Variants in PHLPP1 observed in about 807,000 individuals in gnomAD.
PHLPP1 encodes PH domain and leucine rich repeat protein phosphatase 1.
In PHLPP1, 42 loss-of-function variants were observed where a neutral mutation model predicts 117.2. The observed-to-expected ratio is 0.36, with a 90% CI of 0.28 to 0.46. The LOEUF (loss-of-function observed/expected upper bound fraction) is 0.46. Among genes scored for constraint, PHLPP1 ranks in the 20% least tolerant of loss-of-function variants. The probability of loss-of-function intolerance (pLI) is 1.00; values close to 1 mark genes in which losing one functional copy is unlikely to be tolerated. For missense variants in PHLPP1, 2,084 were observed against 2,241.9 expected (o/e 0.93, Z 1.42); for synonymous variants, 1,042 against 970.7 (o/e 1.07, Z -1.37).
At chr18:62,742,749 C>T (rs752837028) in intron 1 of PHLPP1, among the ~76,000 whole-genome samples, 7 of 152,032 alleles carry the variant, frequency 4.6e-5, no homozygotes, top group South Asian at 2.1e-4. Context: ...AAATTTTTAT[C>T]GGAAGCTCTA....
intron 12 of PHLPP1, among the ~76,000 whole-genome samples, chr18:62,958,264 C>A (rs1049059076): frequency 6.6e-6 from 1 of 152,098 alleles, no homozygotes; most frequent in Non-Finnish European, 1.5e-5. Context: ...CTTTAAAGTT[C>A]ATTTTAATGT....
chr18:62,973,502 G>C (rs767609535), intron 15 of PHLPP1, among the ~76,000 whole-genome samples: 77 of 152,338 alleles, frequency 5.1e-4, no homozygotes, highest in Non-Finnish European at 8.5e-4. Flanking sequence ...GAGCAGTCAT[G>C]GTGTTTTATC....
At chr18:62,975,253 T>C in intron 15 of PHLPP1, 144 bp from the exon 16 acceptor site, 1 of 631,788 alleles carries the variant, frequency 1.6e-6, no homozygotes, top group Non-Finnish European at 2.8e-6. Context: ...GGCAGAGCAG[T>C]GTGTGCTTTG....
chr18:62,751,567 C>T (rs1407425306), intron 1 of PHLPP1, among the ~76,000 whole-genome samples: 1 of 152,152 alleles, frequency 6.6e-6, no homozygotes, highest in East Asian at 1.9e-4. Context: ...AGACTGAATC[C>T]ATTAACTAGC....
chr18:62,919,809 T>C, intron 9 of PHLPP1, 150 bp from the exon 10 acceptor site: 1 of 640,104 alleles, frequency 1.6e-6, no homozygotes. Flanking sequence ...TTTGAGTATA[T>C]AGAAAGTATT....
intron 1 of PHLPP1, among the ~76,000 whole-genome samples, chr18:62,821,169 C>T (rs551142556): frequency 3.9e-4 from 60 of 152,284 alleles, no homozygotes; most frequent in Non-Finnish European, 7.6e-4. Context: ...CGTTGGCTCA[C>T]GCCTGTAATC....
chr18:62,974,843 G>C (rs1911144750), intron 15 of PHLPP1, among the ~76,000 whole-genome samples: 1 of 152,112 alleles, frequency 6.6e-6, no homozygotes, highest in African/African-American at 2.4e-5. Flanking sequence ...TTACTATATA[G>C]GGCAGGAACA....
intron 1 of PHLPP1, among the ~76,000 whole-genome samples, chr18:62,732,658 A>G (rs1358130801): frequency 6.6e-6 from 1 of 152,238 alleles, no homozygotes; most frequent in Non-Finnish European, 1.5e-5. Context: ...TATAGCTGCC[A>G]TAGATAGTAA....
intron 6 of PHLPP1, among the ~76,000 whole-genome samples, chr18:62,897,864 C>T (rs1222780255): frequency 6.6e-6 from 1 of 152,138 alleles, no homozygotes; most frequent in African/African-American, 2.4e-5. Flanking sequence ...GAGAGTCTTG[C>T]TTAGTTTCTC....
intron 1 of PHLPP1, among the ~76,000 whole-genome samples, chr18:62,807,366 A>T (rs896976240): frequency 2.6e-5 from 4 of 152,220 alleles, no homozygotes; most frequent in African/African-American, 9.6e-5. Context: ...GTAAATTTAA[A>T]TTAATTAAAA....
intron 4 of PHLPP1, among the ~76,000 whole-genome samples, chr18:62,888,905 A>G (rs1916348255): frequency 6.6e-6 from 1 of 152,194 alleles, no homozygotes; most frequent in Non-Finnish European, 1.5e-5. Context: ...CTTATCTCTC[A>G]TAACTTAAAC....
chr18:62,947,766 G>A (rs1330793213), intron 12 of PHLPP1, among the ~76,000 whole-genome samples: 1 of 152,188 alleles, frequency 6.6e-6, no homozygotes, highest in Non-Finnish European at 1.5e-5. Flanking sequence ...GGTGGCTCAC[G>A]CCTGTAATCC....
intron 10 of PHLPP1, among the ~76,000 whole-genome samples, chr18:62,920,680 C>T (rs1909437737): frequency 6.6e-6 from 1 of 152,154 alleles, no homozygotes; most frequent in Non-Finnish European, 1.5e-5. Flanking sequence ...CTGCCTCAGC[C>T]TCCCAAGTAG....
intron 1 of PHLPP1, among the ~76,000 whole-genome samples, chr18:62,822,516 C>A (rs1280286195): frequency 2.6e-5 from 4 of 151,866 alleles, no homozygotes; most frequent in Admixed American, 2.0e-4. Flanking sequence ...GATCTCCTAA[C>A]CTCATGATCC....
chr18:62,931,878 GAAAAA>G (rs61550621), intron 10 of PHLPP1, among the ~76,000 whole-genome samples: 1,107 of 76,462 alleles, frequency 0.014, 5 homozygotes, highest in Middle Eastern at 0.021. Context: ...CTGGGCGACA[GAAAAA>G]AAAAAAAAAA....
intron 4 of PHLPP1, among the ~76,000 whole-genome samples, chr18:62,862,806 C>T (rs751966779): frequency 3.9e-5 from 6 of 152,112 alleles, no homozygotes; most frequent in African/African-American, 7.2e-5. Flanking sequence ...AAATAACTTT[C>T]GTGTGTCATC....
chr18:62,764,163 CAAAAA>C (rs34939800), intron 1 of PHLPP1, among the ~76,000 whole-genome samples: 4 of 79,218 alleles, frequency 5.0e-5, no homozygotes, highest in Non-Finnish European at 7.3e-5. Context: ...AACTCCATCT[CAAAAA>C]AAAAAAAAAA....
At chr18:62,836,481 A>G (rs935262681) in intron 2 of PHLPP1, among the ~76,000 whole-genome samples, 1 of 126,210 alleles carries the variant, frequency 7.9e-6, no homozygotes, top group African/African-American at 2.7e-5. Flanking sequence ...ATAAATAAAT[A>G]AATAAAAATA....
intron 1 of PHLPP1, among the ~76,000 whole-genome samples, chr18:62,752,024 A>T (rs1911870978): frequency 6.6e-6 from 1 of 152,230 alleles, no homozygotes; most frequent in Non-Finnish European, 1.5e-5. Flanking sequence ...AAAGGAATTT[A>T]TTCCTTACAG....
Sources: gnomAD v4.1 joint callset for allele counts (sites outside exome capture counted in the v4.1 genomes callset) on GRCh38, gnomAD v4.1.1 for gene constraint, MANE v1.5 for transcripts, NCBI Gene and HGNC (gene_info 2026-07-23, HGNC 2026-07-21) for gene names.